The following LRRTM4 variants were observed in gnomAD, a reference collection of about 807,000 sequenced individuals.
LRRTM4 encodes the protein leucine-rich repeat transmembrane neuronal protein 4.
LRRTM4 carries 25 observed loss-of-function variants against 47.6 expected under a neutral mutation model. The observed-to-expected ratio is 0.53, with a 90% confidence interval of 0.38 to 0.73. The LOEUF (loss-of-function observed/expected upper bound fraction) is 0.73, where lower values mean the gene tolerates loss of function less well. Ranked by LOEUF, LRRTM4 falls within the 30% of genes least tolerant of loss-of-function variation. LRRTM4 has a pLI of 0.00. For missense variants in LRRTM4, 638 were observed against 713.4 expected, an observed-to-expected ratio of 0.89 and a Z score of 1.20; for synonymous variants, 311 against 269.5, an observed-to-expected ratio of 1.15 and a Z score of -1.51.
At chr2:77,106,498 A>G (rs927514161) in intron 3 of LRRTM4, among the ~76,000 whole-genome samples, 26 of 152,114 alleles carry the variant, frequency 1.7e-4, no homozygotes, top group African/African-American at 6.0e-4. Flanking sequence ...TTTGGCTGAT[A>G]TATCTTTGAG....
rs1671687564 is a variant in LRRTM4, at chr2:77,127,807, A to G, written c.1552-378891T>C. The stretch of plus-strand genomic sequence containing the variant: ...GATGGAAAGTTAGACAGCTCGAATC[A>G]CATAGCTAAATAGCCCTTAGATTCT... On this transcript the variant is annotated intron_variant, in intron 3 of 3. Coordinates refer to ENST00000409884, the MANE Select transcript of LRRTM4 (RefSeq NM_001134745.3). 3.3e-5 allele frequency among the ~76,000 whole-genome samples: 5 copies of G among 152,232 alleles called. No individual in the cohort carries two copies. The South Asian group carries it at 1.0e-3, about 31-fold the overall frequency.
chr2:77,228,096 T>A (rs1032377658), intron 3 of LRRTM4, among the ~76,000 whole-genome samples: 2 of 152,082 alleles, frequency 1.3e-5, no homozygotes, highest in East Asian at 3.8e-4. Flanking sequence ...TATAAATTCT[T>A]ATAGCACAAT....
At chr2:77,013,627 G>T (rs1677953881) in intron 3 of LRRTM4, among the ~76,000 whole-genome samples, 1 of 152,152 alleles carries the variant, frequency 6.6e-6, no homozygotes, top group Non-Finnish European at 1.5e-5. Context: ...ATAGTCTTTG[G>T]CTTGTCTTCA....
chr2:77,362,164 A>AGAAAGAAAGAAG (rs1553434448), intron 3 of LRRTM4, among the ~76,000 whole-genome samples: 19 of 151,474 alleles, frequency 1.3e-4, no homozygotes, highest in African/African-American at 4.4e-4. Context: ...AAAGAAAGAA[A>AGAAAGAAAGAAG]GAAAGAAAGG....
intron 3 of LRRTM4, among the ~76,000 whole-genome samples, chr2:77,392,408 C>T (rs1193268982): frequency 6.6e-6 from 1 of 151,998 alleles, no homozygotes; most frequent in East Asian, 1.9e-4. Flanking sequence ...GACCCTTAAC[C>T]TTGGCAAAAT....
chr2:76,872,517 T>TG (rs1281240081), intron 3 of LRRTM4, among the ~76,000 whole-genome samples: 7 of 151,864 alleles, frequency 4.6e-5, no homozygotes, highest in African/African-American at 1.7e-4. Flanking sequence ...AAACCATACA[T>TG]GGGTTCTGCA....
Position 76,762,416 on chromosome 2 carries a change from C to T in LRRTM4, c.1552-13500G>A, listed in dbSNP as rs183611962. Among the ~76,000 whole-genome samples the T allele has an allele frequency of 7.1e-3, 1,074 of 152,064 alleles. 8 individuals carry two copies. The highest frequency in any genetic ancestry group is 0.012 in the Non-Finnish European group (783 of 67,980). On this transcript the variant is annotated intron_variant, in intron 3 of 3. Transcript: ENST00000409884. ...TTGCCCTAATCTTTTTTCTGCTTTT[C>T]CTACCAAAAATTCTACCCTCACCTC...
chr2:77,251,786 C>G (rs978786967), intron 3 of LRRTM4, among the ~76,000 whole-genome samples: 2 of 152,116 alleles, frequency 1.3e-5, no homozygotes, highest in African/African-American at 4.8e-5. Flanking sequence ...GCATGGGGTT[C>G]TAGTCTTCAC....
intron 3 of LRRTM4, among the ~76,000 whole-genome samples, chr2:77,246,905 A>ATATATG (rs1675462954): frequency 6.6e-6 from 1 of 152,090 alleles, no homozygotes; most frequent in Non-Finnish European, 1.5e-5. Context: ...TTTATCAAGC[A>ATATATG]AAATATAAAA....
At chr2:77,128,154 C>A (rs369869326) in intron 3 of LRRTM4, among the ~76,000 whole-genome samples, 1,487 of 126,104 alleles carry the variant, frequency 0.012, 33 homozygotes, top group African/African-American at 0.044. Context: ...AAAAAAAAAA[C>A]AAAACAAAAC....
At chr2:77,132,718 C>G (rs114455576) in intron 3 of LRRTM4, among the ~76,000 whole-genome samples, 3 of 152,150 alleles carry the variant, frequency 2.0e-5, no homozygotes, top group Admixed American at 2.0e-4. Flanking sequence ...AACCCATTCA[C>G]GAGGGCAAAG....
intron 3 of LRRTM4, among the ~76,000 whole-genome samples, chr2:76,980,839 G>T (rs959407503): frequency 6.6e-6 from 1 of 152,018 alleles, no homozygotes; most frequent in Non-Finnish European, 1.5e-5. Context: ...AAGGTGCTTT[G>T]ATTTACATTT....
At chr2:76,790,276 G>A (rs1362238640) in intron 3 of LRRTM4, among the ~76,000 whole-genome samples, 1 of 152,144 alleles carries the variant, frequency 6.6e-6, no homozygotes, top group Non-Finnish European at 1.5e-5. Flanking sequence ...GTGGTATGGG[G>A]ATATGGTGCA....
chr2:77,223,462 A>G (rs1325056289), intron 3 of LRRTM4, among the ~76,000 whole-genome samples: 1 of 152,184 alleles, frequency 6.6e-6, no homozygotes, highest in Non-Finnish European at 1.5e-5. Flanking sequence ...AGAAAACCCC[A>G]TTGTCTCAGC....
intron 3 of LRRTM4, among the ~76,000 whole-genome samples, chr2:76,935,031 A>T (rs1301579184): frequency 6.6e-6 from 1 of 151,824 alleles, no homozygotes; most frequent in Non-Finnish European, 1.5e-5. Context: ...GAACTTTCTG[A>T]GTTCAGTATC....
chr2:76,874,899 T>C (rs1332621962), intron 3 of LRRTM4, among the ~76,000 whole-genome samples: 1 of 152,116 alleles, frequency 6.6e-6, no homozygotes, highest in Admixed American at 6.6e-5. Flanking sequence ...TTATAAAATT[T>C]GAATATTCTG....
intron 3 of LRRTM4, among the ~76,000 whole-genome samples, chr2:76,856,230 T>C (rs1217181773): frequency 6.6e-6 from 1 of 152,004 alleles, no homozygotes; most frequent in Non-Finnish European, 1.5e-5. Context: ...TGAGCCAAGA[T>C]TGCGCCTTTG....
At chr2:77,328,029 A>G (rs867246878) in intron 3 of LRRTM4, among the ~76,000 whole-genome samples, 2 of 152,298 alleles carry the variant, frequency 1.3e-5, no homozygotes, top group South Asian at 4.1e-4. Flanking sequence ...CAGATTTACA[A>G]CTGGAATCCA....
chr2:77,498,830 T>C (rs1678461053), intron 3 of LRRTM4, among the ~76,000 whole-genome samples: 1 of 152,012 alleles, frequency 6.6e-6, no homozygotes, highest in Non-Finnish European at 1.5e-5. Context: ...GGGAAGTATA[T>C]CATCCATGTC....
Sources: gnomAD v4.1 joint callset for allele counts (sites outside exome capture counted in the v4.1 genomes callset) on GRCh38, gnomAD v4.1.1 for gene constraint, MANE v1.5 for transcripts, NCBI Gene and HGNC (gene_info 2026-07-23, HGNC 2026-07-21) for gene names.